The following PASK variants were observed in gnomAD, a reference collection of about 807,000 sequenced individuals.
PASK encodes PAS domain-containing serine/threonine-protein kinase.
Under a neutral mutation model 121.0 loss-of-function variants are expected in PASK, and 110 were observed. The ratio of observed to expected loss-of-function variants is 0.91; its 90% confidence interval spans 0.78 to 1.06. PASK has a LOEUF of 1.06. PASK is among the 50% of genes least tolerant of loss of function. The pLI, the probability that PASK is intolerant of heterozygous loss-of-function variation, is 0.00. For synonymous variants in PASK, 686 were observed against 717.8 expected, an observed-to-expected ratio of 0.96 and a Z score of 0.71; for missense variants, 1,643 against 1,702.3, an observed-to-expected ratio of 0.97 and a Z score of 0.61.
At chr2:241,116,643 A>G (rs1218137771) in intron 12 of PASK, among the ~76,000 whole-genome samples, 1 of 152,264 alleles carries the variant, frequency 6.6e-6, no homozygotes, top group Non-Finnish European at 1.5e-5. Flanking sequence ...TAAGGTAAAT[A>G]TAAGAAAAAC....
intron 4 of PASK, among the ~76,000 whole-genome samples, chr2:241,139,049 G>A (rs990201419): frequency 1.3e-5 from 2 of 152,218 alleles, no homozygotes; most frequent in African/African-American, 4.8e-5. Flanking sequence ...GGTGAAAAAA[G>A]CAGTATCTGT....
intron 12 of PASK, among the ~76,000 whole-genome samples, chr2:241,121,498 G>A (rs1483875557): frequency 3.3e-5 from 5 of 152,158 alleles, no homozygotes; most frequent in Non-Finnish European, 7.3e-5. Flanking sequence ...AAAACATCTA[G>A]ATTTAGATTA....
At position 241,135,854 on chromosome 2, in the gene PASK, G is replaced by A. The variant is rs200892684; in HGVS notation, c.1306+17C>T. The A allele has an allele frequency of 6.2e-7, 1 of 1,611,778 alleles. No individual in the cohort carries two copies. The highest frequency in any genetic ancestry group is 8.5e-7 in the Non-Finnish European group (1 of 1,178,110). Reference sequence around the variant, plus strand: ...TCAGCAGCTACAGGCGCATTCAGGAGGAAGAGGACGTCTTACCCTGGCCCC... The same window carrying A: ...TCAGCAGCTACAGGCGCATTCAGGAAGAAGAGGACGTCTTACCCTGGCCCC... On this transcript the variant is annotated intron_variant, in intron 8 of 17. Transcript: ENST00000234040.
intron 11 of PASK, among the ~76,000 whole-genome samples, chr2:241,123,174 C>CCTT (rs2065697621): frequency 7.5e-6 from 1 of 132,936 alleles, no homozygotes; most frequent in Non-Finnish European, 1.6e-5. Flanking sequence ...AAAGTGGCTT[C>CCTT]TTTTTTTTTT....
chr2:241,150,103 G>A, upstream of PASK: 1 of 1,263,748 alleles, frequency 7.9e-7, no homozygotes, highest in Non-Finnish European at 1.0e-6. Context: ...AGATCCGCCT[G>A]GCCCGCGGCC....
rs867153452 is a variant in PASK at position 241,124,444 on chromosome 2, G to A, written c.2720-311C>T. 3.3e-5 allele frequency among the ~76,000 whole-genome samples: 5 copies of A among 152,340 alleles called. No homozygotes were observed. In the Middle Eastern group the frequency reaches 0.01, roughly 311 times the overall value. On this transcript the variant is annotated intron_variant, in intron 10 of 17. Coordinates refer to ENST00000234040, the MANE Select transcript of PASK (RefSeq NM_015148.4). The stretch of plus-strand genomic sequence containing the variant: ...GAAGCCCTCCAGAGAGGCCTGTAGC[G>A]GAGGGTGCAGACAACCCCCAACTCA...
Position 241,114,113 on chromosome 2 carries a change from T to C in PASK, c.3333+930A>G, listed in dbSNP as rs901324721. ...AACCTCATACAGATACTCTGTTTGC[T>C]GTAAAAAGTTTCAGAAACAAGTGTT... On this transcript the variant is annotated intron_variant, in intron 14 of 17. Transcript: ENST00000234040. 10 of 985,186 alleles carry C rather than the reference T, an allele frequency of 1.0e-5. No individual in the cohort carries two copies. In the East Asian group the frequency reaches 9.1e-4, roughly 89 times the overall value. The allele number at this position is 985,186 out of a possible 1,614,324, so 61.0% of individuals were successfully genotyped here. A position where few individuals can be genotyped will look rare whatever the true frequency, so the allele number is the denominator to read the frequency against.
At position 241,112,895 on chromosome 2, in the gene PASK, G is replaced by A. The variant is rs1021146020; in HGVS notation, c.3334-456C>T. On this transcript the variant is annotated intron_variant, in intron 14 of 17. Transcript: ENST00000234040. The surrounding 1 kb of genome is among the most constrained non-coding windows in gnomAD (Gnocchi z 5.2). ...TCGATAACCTCAGCTCACAGGGAGG[G>A]AAAGTGACTTGCCCAGAGTTCAGGC... The A allele has an allele frequency of 2.2e-5, 4 of 179,996 alleles. No homozygotes were observed. Among genetic ancestry groups the A allele is most frequent in the African/African-American group, 9.6e-5 (4 of 41,692 alleles). The allele number at this position is 179,996 out of a possible 1,614,324, so 11.1% of individuals were successfully genotyped here. A position where few individuals can be genotyped will look rare whatever the true frequency, so the allele number is the denominator to read the frequency against.
chr2:241,127,791 C>T, intron 9 of PASK: 1 of 381,338 alleles, frequency 2.6e-6, no homozygotes, highest in East Asian at 6.6e-5. Flanking sequence ...GCCCCACCTG[C>T]AAGGGGAAGT....
chr2:241,139,724 C>T (rs969438966), intron 4 of PASK, 161 bp downstream of exon 4: 82 of 739,832 alleles, frequency 1.1e-4, no homozygotes, highest in African/African-American at 2.3e-4. Context: ...GCAGCTGAAG[C>T]GGGGAAACGG....
chr2:241,112,275 G>C lies in PASK; in HGVS notation c.3498C>G (p.Ile1166Met), dbSNP rs766828977. 11 of 1,613,768 alleles carry C rather than the reference G, an allele frequency of 6.8e-6. No homozygotes were observed. The highest frequency in any genetic ancestry group is 7.6e-6 in the Non-Finnish European group (9 of 1,179,786). ...TGAGAACTTCCGGTGCACAGTACTC[G>C]ATGGTCCCACAAAAAGTATAAAATA... ...GKLFYTFCGT[I>M]EYCAPEVLMG... The change falls in exon 15 of 18, where the codon ATC becomes ATG. Residue 1166 changes from isoleucine (I) to methionine (M), a missense_variant. This residue lies in a region of PASK where 453 missense variants were observed against 511.2 expected (regional missense o/e 0.89). Coordinates refer to ENST00000234040, the MANE Select transcript of PASK (RefSeq NM_015148.4). The surrounding 1 kb of genome is among the most constrained non-coding windows in gnomAD (Gnocchi z 5.2).
Position 241,136,039 on chromosome 2 carries a change from T to A in PASK, c.1138A>T (p.Asn380Tyr). Residue 380 changes from asparagine (N) to tyrosine (Y), a missense_variant and splice_region_variant, in exon 8 of 18, where the codon AAT becomes TAT. Around this residue, in one of 3 missense-constraint regions of PASK, gnomAD observed 1,176 missense variants for 1,162.2 expected, o/e 1.01. Transcript: ENST00000234040. The stretch of plus-strand genomic sequence containing the variant: ...AAACCAGGAATCAGGAAAGTGATAT[T>A]CTAGAAAACAAAGCAGGGACATTTC... ...GYGKTELLGKNITFLIPGFYS... is the reference protein window; with the variant it reads ...GYGKTELLGKYITFLIPGFYS... The A allele has an allele frequency of 6.2e-7, 1 of 1,613,668 alleles. No homozygotes were observed. The highest frequency in any genetic ancestry group is 8.5e-7 in the Non-Finnish European group (1 of 1,179,616).
At position 241,112,719 on chromosome 2, in the gene PASK, C is replaced by T; in HGVS notation, c.3334-280G>A. ...TCTGTTTGCTGCTGAGAAAAGCTTC[C>T]CAGCAGACACTCGCCCCCACCAACG... On this transcript the variant is annotated intron_variant, in intron 14 of 17. Coordinates refer to ENST00000234040, the MANE Select transcript of PASK (RefSeq NM_015148.4). The surrounding 1 kb of genome is among the most constrained non-coding windows in gnomAD (Gnocchi z 5.2). 1 of 402,712 alleles carries T rather than the reference C, an allele frequency of 2.5e-6. No individual in the cohort carries two copies. Among genetic ancestry groups the T allele is most frequent in the Non-Finnish European group, 4.6e-6 (1 of 218,078 alleles). 24.9% of individuals were successfully genotyped at this position (402,712 alleles called of 1,614,324 possible).
In PASK at chr2:241,138,089, T is replaced by C; in HGVS notation, c.742-2A>G. On this transcript the variant is annotated splice_acceptor_variant, in intron 5 of 17. Coordinates refer to ENST00000234040, the MANE Select transcript of PASK (RefSeq NM_015148.4). LOFTEE classifies it high-confidence loss of function. ...ACTGTCACATGACGTGACGGTGCCC[T>C]GGAGGAAAAGCCCCGTGCTTATCAT... The C allele has an allele frequency of 1.9e-6, 3 of 1,614,092 alleles. No homozygotes were observed. Among genetic ancestry groups the C allele is most frequent in the Non-Finnish European group, 2.5e-6 (3 of 1,179,964 alleles).
chr2:241,123,609 G>C (rs2065722787), intron 11 of PASK, among the ~76,000 whole-genome samples: 1 of 152,084 alleles, frequency 6.6e-6, no homozygotes, highest in Non-Finnish European at 1.5e-5. Context: ...CCTGAGGTCA[G>C]GAGGTTCAAT....
At position 241,144,718 on chromosome 2, in the gene PASK, G is replaced by T. The variant is rs550397118; in HGVS notation, c.-42-1644C>A. Among the ~76,000 whole-genome samples the T allele has an allele frequency of 1.8e-4, 28 of 152,332 alleles. No individual in the cohort carries two copies. In the South Asian group the frequency reaches 5.2e-3, roughly 28 times the overall value. On this transcript the variant is annotated intron_variant, in intron 1 of 17. Transcript: ENST00000234040. The stretch of plus-strand genomic sequence containing the variant: ...CACGAGGCCCTTCCAAGACAAGGCA[G>T]GCCTGGGGTGAAGAGGAAAGGGGAG...
upstream of PASK, chr2:241,150,257 A>G (rs1047066115): frequency 8.5e-6 from 11 of 1,291,654 alleles, no homozygotes; most frequent in African/African-American, 1.6e-4. Flanking sequence ...TTTCCTTCCC[A>G]GCTTCTCGCC....
intron 2 of PASK, 102 bp downstream of exon 2, chr2:241,142,735 G>A (rs1037835242): frequency 3.3e-6 from 3 of 914,202 alleles, no homozygotes; most frequent in African/African-American, 3.3e-5. Context: ...TGCAGGAATA[G>A]AGTGACTTCA....
Position 241,127,119 on chromosome 2 carries a change from C to T in PASK, c.1796G>A (p.Gly599Asp). The change falls in exon 10 of 18, where the codon GGT becomes GAT. Residue 599 changes from glycine (G) to aspartate (D), a missense_variant. Gly to Asp is a moderately conservative substitution (Grantham distance 94, BLOSUM62 -1). Transcript: ENST00000234040. ...CAGGAGGCTGCCCCCCGCCAGCTGA[C>T]CCTTGGCCTGGGGCTTGGCCACGGC... Reference protein sequence around the residue: ...GAAVAKPQAKGQLAGGSLLMH... With the variant: ...GAAVAKPQAKDQLAGGSLLMH... The T allele has an allele frequency of 6.2e-7, 1 of 1,614,070 alleles. No homozygotes were observed. Among genetic ancestry groups the T allele is most frequent in the Non-Finnish European group, 8.5e-7 (1 of 1,180,022 alleles).
Sources: allele counts gnomAD v4.1 joint callset (sites outside exome capture counted in the v4.1 genomes callset), GRCh38; gene constraint gnomAD v4.1.1; regional missense constraint gnomAD v4.1.1; non-coding constraint Gnocchi (gnomAD v3.1); transcripts MANE v1.5; gene names NCBI Gene and HGNC (gene_info 2026-07-23, HGNC 2026-07-21).